The following DGKK variants were observed in gnomAD, a reference collection of about 807,000 sequenced individuals.
DGKK encodes the protein diacylglycerol kinase kappa.
A neutral mutation model predicts 92.2 loss-of-function variants in DGKK; 35 were observed. That is an observed-to-expected ratio of 0.38 (90% CI 0.29 to 0.50). The LOEUF is 0.50. DGKK is among the 20% of genes least tolerant of loss of function. The probability of loss-of-function intolerance (pLI) is 0.92; values close to 1 mark genes in which losing one functional copy is unlikely to be tolerated. For synonymous variants in DGKK, 368 were observed against 360.6 expected, an observed-to-expected ratio of 1.02 and a Z score of -0.23; for missense variants, 910 against 992.2, an observed-to-expected ratio of 0.92 and a Z score of 1.11.
intron 17 of DGKK, 38 bp from the exon 18 acceptor site, chrX:50,382,641 G>A: frequency 9.4e-7 from 1 of 1,059,567 alleles, no homozygotes. Flanking sequence ...CATTGGTGCA[G>A]GAAAGAAGTG....
intron 1 of DGKK, among the ~76,000 whole-genome samples, chrX:50,433,621 C>T (rs894851781): frequency 9.0e-6 from 1 of 111,408 alleles, no homozygotes; most frequent in Non-Finnish European, 1.9e-5. Flanking sequence ...AGAAAAGTGG[C>T]TTATGATAAA....
At chrX:50,408,415 G>A (rs1312396030) in intron 4 of DGKK, among the ~76,000 whole-genome samples, 2 of 111,585 alleles carry the variant, frequency 1.8e-5, no homozygotes, top group Non-Finnish European at 3.8e-5. Context: ...GTCTCGCACC[G>A]TGGCCCAGGC....
intron 1 of DGKK, among the ~76,000 whole-genome samples, chrX:50,440,282 G>A (rs1428169342): frequency 1.8e-5 from 2 of 111,502 alleles, no homozygotes; most frequent in Non-Finnish European, 3.8e-5. Context: ...AACCTAAGAG[G>A]AAAGCAATAG....
chrX:50,409,280 G>A (rs1305546315), intron 4 of DGKK, among the ~76,000 whole-genome samples: 2 of 103,178 alleles, frequency 1.9e-5, no homozygotes, highest in Non-Finnish European at 3.9e-5. Flanking sequence ...TAAGGAACAC[G>A]AAGAATTACC....
intron 1 of DGKK, among the ~76,000 whole-genome samples, chrX:50,452,118 T>C (rs1231799392): frequency 9.0e-6 from 1 of 111,684 alleles, no homozygotes; most frequent in Non-Finnish European, 1.9e-5. Context: ...ACTGATATCA[T>C]AAATAAGGAA....
chrX:50,380,593 T>G (rs1924390674), intron 18 of DGKK, among the ~76,000 whole-genome samples: 1 of 111,486 alleles, frequency 9.0e-6, no homozygotes, highest in Non-Finnish European at 1.9e-5. Context: ...GGAACAGATC[T>G]AAGCTTGTAG....
chrX:50,469,771 G>C (rs1927006595), intron 1 of DGKK, among the ~76,000 whole-genome samples: 1 of 112,605 alleles, frequency 8.9e-6, no homozygotes, highest in Admixed American at 9.3e-5. Context: ...TTCTCTTCAA[G>C]GGGAAAACTG....
At chrX:50,387,505 C>A in intron 14 of DGKK, 49 bp downstream of exon 14, 1 of 969,159 alleles carries the variant, frequency 1.0e-6, no homozygotes, top group South Asian at 2.1e-5. Context: ...TTAAAAAGGG[C>A]CCCTGGCTGC....
intron 7 of DGKK, among the ~76,000 whole-genome samples, chrX:50,401,867 G>A (rs1376238799): frequency 9.0e-6 from 1 of 111,590 alleles, no homozygotes; most frequent in Non-Finnish European, 1.9e-5. Context: ...ATCTAGATCA[G>A]GGTCTCTCAA....
At chrX:50,417,770 C>A (rs1203516790) in intron 4 of DGKK, among the ~76,000 whole-genome samples, 1 of 110,536 alleles carries the variant, frequency 9.0e-6, no homozygotes, top group Non-Finnish European at 1.9e-5. Context: ...CTTGTCTAAC[C>A]CATCCTGTAT....
chrX:50,445,179 T>C (rs190249518), intron 1 of DGKK, among the ~76,000 whole-genome samples: 219 of 104,954 alleles, frequency 2.1e-3, no homozygotes, highest in Non-Finnish European at 3.3e-3. Flanking sequence ...TGCCGGATAT[T>C]AGACCTTTGT....
At chrX:50,386,294 G>A in intron 15 of DGKK, 64 bp downstream of exon 15, 3 of 927,093 alleles carry the variant, frequency 3.2e-6, no homozygotes, top group Non-Finnish European at 4.6e-6. Context: ...AGTGAGGCCA[G>A]TAAACCATCC....
chrX:50,443,235 A>T (rs1569544977), intron 1 of DGKK, among the ~76,000 whole-genome samples: 1 of 110,638 alleles, frequency 9.0e-6, no homozygotes. Flanking sequence ...CTTGTTTGCC[A>T]CAACACACCA....
At position 50,370,429 on chromosome X, in the gene DGKK, T is replaced by C; in HGVS notation, c.3733A>G (p.Ile1245Val). The change falls in exon 27 of 28, where the codon ATT becomes GTT. Residue 1245 changes from isoleucine to valine, a missense_variant. Ile to Val is a conservative substitution (Grantham distance 29). Transcript: ENST00000611977. ...TCTGCCTGTGGGGGAGACTTACCAA[T>C]AAAACTCTGGACACTCTGGCCTGAT... ...PKSGQSVQSF[I>V]GNLWHRRHRE... 8.4e-7 allele frequency: 1 copy of C among 1,190,719 alleles called. No individual in the cohort carries two copies. Among genetic ancestry groups the C allele is most frequent in the Non-Finnish European group, 1.1e-6 (1 of 884,393 alleles).
intron 1 of DGKK, among the ~76,000 whole-genome samples, chrX:50,443,569 G>C (rs1251443106): frequency 9.0e-6 from 1 of 110,858 alleles, no homozygotes. Flanking sequence ...GCAGAGGGAG[G>C]TTCTGTGCAC....
chrX:50,401,120 C>T lies in DGKK; in HGVS notation c.1328G>A (p.Arg443Lys). Residue 443 changes from arginine to lysine, a missense_variant, in exon 8 of 28, where the codon AGA becomes AAA. Physicochemically the swap from Arg to Lys is conservative, Grantham distance 26. Transcript: ENST00000611977. ...CNSTVHDDCR[R>K]RFSKECCFRS... Reference sequence around the variant, plus strand: ...GAAGCAACATTCCTTGGAAAACCGTCTCCTACAGTCATCATGCACCTGAAA... The same window carrying T: ...GAAGCAACATTCCTTGGAAAACCGTTTCCTACAGTCATCATGCACCTGAAA... The T allele has an allele frequency of 1.7e-6, 2 of 1,198,769 alleles. No homozygotes were observed. Among genetic ancestry groups the T allele is most frequent in the Non-Finnish European group, 2.3e-6 (2 of 888,605 alleles).
intron 1 of DGKK, among the ~76,000 whole-genome samples, chrX:50,433,245 G>A (rs1314628685): frequency 2.7e-5 from 3 of 111,991 alleles, no homozygotes; most frequent in African/African-American, 9.7e-5. Flanking sequence ...TGAGCTAACC[G>A]TGACCTTAGT....
At chrX:50,389,490 T>C (rs1478938258) in intron 12 of DGKK, among the ~76,000 whole-genome samples, 11 of 112,131 alleles carry the variant, frequency 9.8e-5, no homozygotes, top group African/African-American at 3.6e-4. Context: ...GCAGACTGGA[T>C]AGATGACTGG....
intron 7 of DGKK, 98 bp downstream of exon 7, chrX:50,402,963 T>G: frequency 9.5e-7 from 1 of 1,051,697 alleles, no homozygotes. Flanking sequence ...AGATAAGAGT[T>G]TCTTAGATTT....
Sources: gnomAD v4.1 joint callset for allele counts (sites outside exome capture counted in the v4.1 genomes callset) on GRCh38, gnomAD v4.1.1 for gene constraint, MANE v1.5 for transcripts, NCBI Gene and HGNC (gene_info 2026-07-23, HGNC 2026-07-21) for gene names.